CDC42BPA: variants seen among roughly 807,000 people sequenced by gnomAD.
CDC42BPA encodes the protein serine/threonine-protein kinase MRCK alpha.
In CDC42BPA, 80 loss-of-function variants were observed where a neutral mutation model predicts 223.5. The observed-to-expected ratio is 0.36, with a 90% confidence interval of 0.30 to 0.43. The LOEUF (loss-of-function observed/expected upper bound fraction) is 0.43, where lower values mean the gene tolerates loss of function less well. Ranked by LOEUF, CDC42BPA falls within the 20% of genes least tolerant of loss-of-function variation. The pLI is 1.00. For missense variants in CDC42BPA, 1,743 were observed against 2,099.9 expected, an observed-to-expected ratio of 0.83 and a Z score of 3.32; for synonymous variants, 694 against 718.6, an observed-to-expected ratio of 0.97 and a Z score of 0.55.
intron 21 of CDC42BPA, among the ~76,000 whole-genome samples, chr1:227,066,165 C>T (rs920770297): frequency 3.3e-5 from 5 of 152,016 alleles, no homozygotes; most frequent in Non-Finnish European, 5.9e-5. Context: ...TTGAGACGGG[C>T]GGATCATGAG....
At chr1:227,315,501 A>T (rs1315513571) in intron 1 of CDC42BPA, among the ~76,000 whole-genome samples, 1 of 152,094 alleles carries the variant, frequency 6.6e-6, no homozygotes, top group Non-Finnish European at 1.5e-5. Flanking sequence ...CAAAAATCAC[A>T]GACTAGAGTG....
rs914668151 is a variant in CDC42BPA, at chr1:227,063,011, T to C, written c.2904+6766A>G. ...AAGGACAATACATTTTCTAAGCCAA[T>C]ACCATTTAAAGCTAATAATGATACT... On this transcript the variant is annotated intron_variant, in intron 21 of 36. Coordinates refer to ENST00000366766, the MANE Select transcript of CDC42BPA (RefSeq NM_001394014.1). Among the ~76,000 whole-genome samples, 7 of 152,218 alleles carry C rather than the reference T, an allele frequency of 4.6e-5. No individual in the cohort carries two copies. In the Middle Eastern group the frequency reaches 0.01, roughly 222 times the overall value.
intron 16 of CDC42BPA, among the ~76,000 whole-genome samples, chr1:227,082,810 CT>C (rs2149160412): frequency 6.8e-6 from 1 of 147,658 alleles, no homozygotes; most frequent in Non-Finnish European, 1.5e-5. Context: ...GCATTTTTTG[CT>C]GTAAATAACA....
intron 27 of CDC42BPA, among the ~76,000 whole-genome samples, chr1:227,032,267 T>C (rs984673086): frequency 1.3e-5 from 2 of 152,182 alleles, no homozygotes; most frequent in Non-Finnish European, 2.9e-5. Flanking sequence ...ACTCACACTA[T>C]GAAAATCAGT....
At chr1:227,064,656 T>G (rs1487412812) in intron 21 of CDC42BPA, among the ~76,000 whole-genome samples, 1 of 152,124 alleles carries the variant, frequency 6.6e-6, no homozygotes, top group African/African-American at 2.4e-5. Flanking sequence ...CATGCACGGT[T>G]GAAGGAAAAG....
chr1:227,256,114 T>C (rs933979605), intron 1 of CDC42BPA, among the ~76,000 whole-genome samples: 1 of 152,172 alleles, frequency 6.6e-6, no homozygotes, highest in African/African-American at 2.4e-5. Context: ...TTAATAAACA[T>C]TTCTCCAAAG....
chr1:227,249,109 T>C (rs1368791846), intron 2 of CDC42BPA, among the ~76,000 whole-genome samples: 1 of 151,924 alleles, frequency 6.6e-6, no homozygotes, highest in Non-Finnish European at 1.5e-5. Context: ...TGAAACAGAA[T>C]AAAGAACCCA....
chr1:227,078,460 A>T (rs1244780311), intron 17 of CDC42BPA, among the ~76,000 whole-genome samples: 4 of 152,160 alleles, frequency 2.6e-5, no homozygotes, highest in Admixed American at 6.5e-5. Context: ...TGTGAGGAAA[A>T]CACATTTAAA....
rs539800157 is a variant in CDC42BPA at position 227,169,447 on chromosome 1, C to T, written c.600-8811G>A. 2.0e-5 allele frequency among the ~76,000 whole-genome samples: 3 copies of T among 152,180 alleles called. No homozygotes were observed. In the South Asian group the frequency reaches 6.2e-4, roughly 32 times the overall value. On this transcript the variant is annotated intron_variant, in intron 5 of 36. Transcript: ENST00000366766. ...CAGCTGATTAAACACATTTAAACTG[C>T]AAACTGTTTCTTGGGAAGAAGTTTC...
intron 5 of CDC42BPA, among the ~76,000 whole-genome samples, chr1:227,188,779 T>C (rs980134029): frequency 6.6e-6 from 1 of 152,168 alleles, no homozygotes; most frequent in African/African-American, 2.4e-5. Context: ...CGGATACACG[T>C]TGTTCTGCAT....
chr1:227,229,785 C>T (rs1677494041), intron 2 of CDC42BPA, among the ~76,000 whole-genome samples: 1 of 152,150 alleles, frequency 6.6e-6, no homozygotes, highest in East Asian at 1.9e-4. Flanking sequence ...TTTCCATTAT[C>T]TTCAACTTCT....
chr1:227,005,108 G>T lies in CDC42BPA; in HGVS notation c.4861C>A (p.Pro1621Thr). 6.2e-7 allele frequency: 1 copy of T among 1,607,670 alleles called. No individual in the cohort carries two copies. Among genetic ancestry groups the T allele is most frequent in the Non-Finnish European group, 8.5e-7 (1 of 1,174,268 alleles). ...IQILKDLPMN[P>T]RPQESRTVFS... ...ACTGTCCGACTTTCCTGAGGCCGAG[G>T]GTTCTATAAACAAAAGCGAGAGAGA... is the stretch of plus-strand genomic sequence containing the variant. Residue 1621 changes from proline (P) to threonine (T), a missense_variant, in exon 35 of 37, where the codon CCT becomes ACT. Coordinates refer to ENST00000366766, the MANE Select transcript of CDC42BPA (RefSeq NM_001394014.1).
chr1:227,193,236 AT>A (rs34184053), intron 5 of CDC42BPA, among the ~76,000 whole-genome samples: 101,622 of 149,462 alleles, frequency 0.68, 34,598 homozygotes, highest in South Asian at 0.74. Flanking sequence ...CGCCCGGCTA[AT>A]TTTTTTTTGT....
intron 12 of CDC42BPA, among the ~76,000 whole-genome samples, chr1:227,116,590 T>C (rs12565056): frequency 0.21 from 31,327 of 152,128 alleles, 3,324 homozygotes; most frequent in East Asian, 0.26. Context: ...ATGAAAGTCT[T>C]TTCTGTATGA....
At chr1:227,074,182 A>G (rs1336007136) in intron 18 of CDC42BPA, 77 bp downstream of exon 18, 1 of 1,337,926 alleles carries the variant, frequency 7.5e-7, no homozygotes. Flanking sequence ...GATATAAGTA[A>G]TTGGATTTAT....
In CDC42BPA at chr1:227,147,350, C is replaced by T. The variant is rs199721707; in HGVS notation, c.894+9G>A. 1.1e-5 allele frequency: 18 copies of T among 1,595,350 alleles called. No individual in the cohort carries two copies. The highest frequency in any genetic ancestry group is 1.5e-5 in the Non-Finnish European group (17 of 1,168,678). On this transcript the variant is annotated intron_variant, in intron 7 of 36. Coordinates refer to ENST00000366766, the MANE Select transcript of CDC42BPA (RefSeq NM_001394014.1). ...CACATTAATTTGAACAAAAGTAAAA[C>T]ATACTAACTTTGTGGTTCATGATTT...
At chr1:227,205,720 T>C (rs1420537804) in intron 3 of CDC42BPA, among the ~76,000 whole-genome samples, 2 of 152,172 alleles carry the variant, frequency 1.3e-5, no homozygotes, top group African/African-American at 4.8e-5. Flanking sequence ...CCTTATTATC[T>C]TCAGTTTATA....
At chr1:227,032,512 C>T (rs1266546407) in intron 27 of CDC42BPA, among the ~76,000 whole-genome samples, 1 of 152,046 alleles carries the variant, frequency 6.6e-6, no homozygotes, top group African/African-American at 2.4e-5. Context: ...TCCAAAGACG[C>T]CTACCAACAA....
At chr1:227,006,362 C>T (rs1361104421) in intron 34 of CDC42BPA, among the ~76,000 whole-genome samples, 2 of 152,158 alleles carry the variant, frequency 1.3e-5, no homozygotes, top group Non-Finnish European at 2.9e-5. Flanking sequence ...GCTGTGAGCA[C>T]AGGCTATGGA....
Sources: gnomAD v4.1 joint callset for allele counts (sites outside exome capture counted in the v4.1 genomes callset) on GRCh38, gnomAD v4.1.1 for gene constraint, MANE v1.5 for transcripts, NCBI Gene and HGNC (gene_info 2026-07-23, HGNC 2026-07-21) for gene names.